The following CNTN6 variants were observed in gnomAD, a reference collection of about 807,000 sequenced individuals.
CNTN6 encodes the protein contactin 6.
A neutral mutation model predicts 122.8 loss-of-function variants in CNTN6; 137 were observed. The observed-to-expected ratio is 1.12, with a 90% confidence interval of 0.97 to 1.29. The LOEUF (loss-of-function observed/expected upper bound fraction) is 1.29, where lower values mean the gene tolerates loss of function less well. CNTN6 is among the 50% of genes most tolerant of loss of function. The pLI is 0.00. For synonymous variants in CNTN6, 570 were observed against 426.0 expected (o/e 1.34, Z -4.16); for missense variants, 1,634 against 1,223.4 (o/e 1.34, Z -5.01).
chr3:1,218,407 G>A (rs1459388898), intron 2 of CNTN6, among the ~76,000 whole-genome samples: 5 of 152,102 alleles, frequency 3.3e-5, no homozygotes, highest in East Asian at 3.9e-4. Flanking sequence ...GTCAGAGCCC[G>A]AGTGGGGTGA....
At chr3:1,189,462 G>A (rs901084133) in intron 2 of CNTN6, among the ~76,000 whole-genome samples, 1 of 152,130 alleles carries the variant, frequency 6.6e-6, no homozygotes, top group South Asian at 2.1e-4. Flanking sequence ...AGTTGATAAC[G>A]CAATTATATT....
At chr3:1,325,742 G>C in intron 8 of CNTN6, 73 bp from the exon 9 acceptor site, 1 of 1,526,580 alleles carries the variant, frequency 6.6e-7, no homozygotes, top group Non-Finnish European at 8.9e-7. Flanking sequence ...GATCTCTACA[G>C]CCCTTGTAAT....
intron 7 of CNTN6, among the ~76,000 whole-genome samples, chr3:1,312,638 T>G (rs550691932): frequency 6.6e-6 from 1 of 150,800 alleles, no homozygotes; most frequent in Non-Finnish European, 1.5e-5. Context: ...AAAGCATCTA[T>G]TGACTGGTTG....
In CNTN6 at chr3:1,227,875, T is replaced by A. The variant is rs2094304622; in HGVS notation, c.240T>A (p.Asp80Glu). ...DFTMSYHYRLDGGSLAINSPH... is the reference protein window; with the variant it reads ...DFTMSYHYRLEGGSLAINSPH... Reference sequence around the variant, plus strand: ...CTATGAGTTATCACTACAGGTTGGATGGAGGCAGTCTTGCAATCAATAGCC... The same window carrying A: ...CTATGAGTTATCACTACAGGTTGGAAGGAGGCAGTCTTGCAATCAATAGCC... Residue 80 changes from aspartate (D) to glutamate (E), a missense_variant, in exon 4 of 23, where the codon GAT becomes GAA. Asp to Glu is a conservative substitution (Grantham distance 45, BLOSUM62 2). Coordinates refer to ENST00000446702, the MANE Select transcript of CNTN6 (RefSeq NM_001289080.2). 7 of 1,614,106 alleles carry A rather than the reference T, an allele frequency of 4.3e-6. No individual in the cohort carries two copies. Among genetic ancestry groups the A allele is most frequent in the Non-Finnish European group, 5.9e-6 (7 of 1,180,008 alleles).
chr3:1,286,953 A>G lies in CNTN6; in HGVS notation c.454+8445A>G, dbSNP rs949250161. Reference sequence around the variant, plus strand: ...CTGATAAAACAGACTTTAAACCAACAAAGATCAAAAGAGACAAAGAAGGTC... The same window carrying G: ...CTGATAAAACAGACTTTAAACCAACGAAGATCAAAAGAGACAAAGAAGGTC... On this transcript the variant is annotated intron_variant, in intron 5 of 22. Coordinates refer to ENST00000446702, the MANE Select transcript of CNTN6 (RefSeq NM_001289080.2). Among the ~76,000 whole-genome samples the G allele has an allele frequency of 2.4e-4, 36 of 152,208 alleles. 1 individual carries two copies. Among genetic ancestry groups the G allele is most frequent in the Non-Finnish European group, 2.9e-5 (2 of 68,036 alleles).
At chr3:1,287,057 C>G (rs1053449936) in intron 5 of CNTN6, among the ~76,000 whole-genome samples, 1 of 152,000 alleles carries the variant, frequency 6.6e-6, no homozygotes, top group Admixed American at 6.6e-5. Context: ...ACAGGAGCAC[C>G]CAGATTCATA....
rs561116106 is a variant in CNTN6 at position 1,151,675 on chromosome 3, C to T, written c.55+3612C>T. On this transcript the variant is annotated intron_variant, in intron 2 of 22. Transcript: ENST00000446702. ...GACCTTCAACAATAGGTCCATAGTC[C>T]CTGCCCTCTTCAACCTGACAGTCTA... Among the ~76,000 whole-genome samples, 9 of 152,274 alleles carry T rather than the reference C, an allele frequency of 5.9e-5. No individual in the cohort carries two copies. The South Asian group carries it at 1.5e-3, about 25-fold the overall frequency.
chr3:1,342,197 T>TCGGCTCACTGCAAACTCCG (rs1489549955), intron 11 of CNTN6, among the ~76,000 whole-genome samples: 3 of 152,166 alleles, frequency 2.0e-5, no homozygotes, highest in Non-Finnish European at 4.4e-5. Flanking sequence ...TGGCACGATC[T>TCGGCTCACTGCAAACTCCG]CGGCTCACTG....
chr3:1,348,157 C>CAAAAAAAAAAAAAAAAA (rs532282828), intron 11 of CNTN6, among the ~76,000 whole-genome samples: 3,779 of 63,748 alleles, frequency 0.059, 525 homozygotes, highest in Non-Finnish European at 0.067. Flanking sequence ...ATGCTATAGA[C>CAAAAAAAAAAAAAAAAA]AAAAAAAAAA....
intron 4 of CNTN6, among the ~76,000 whole-genome samples, chr3:1,238,237 G>C (rs1053346345): frequency 6.6e-6 from 1 of 152,116 alleles, no homozygotes; most frequent in Non-Finnish European, 1.5e-5. Flanking sequence ...TAGTAAAGGG[G>C]TGGAAAAAGA....
intron 3 of CNTN6, 56 bp downstream of exon 3, chr3:1,220,869 C>G: frequency 6.6e-7 from 1 of 1,515,868 alleles, no homozygotes; most frequent in South Asian, 1.3e-5. Context: ...TGAACCAAAA[C>G]ATACACAAAA....
intron 2 of CNTN6, among the ~76,000 whole-genome samples, chr3:1,204,629 T>C (rs3772352): frequency 0.4 from 61,258 of 151,700 alleles, 12,733 homozygotes; most frequent in African/African-American, 0.51. Flanking sequence ...TTATTTCAGT[T>C]CCCAGTTTAT....
At chr3:1,273,282 T>A (rs2095055951) in intron 4 of CNTN6, among the ~76,000 whole-genome samples, 1 of 152,218 alleles carries the variant, frequency 6.6e-6, no homozygotes, top group Admixed American at 6.5e-5. Flanking sequence ...TTATAGAATT[T>A]GAGACCATCT....
intron 5 of CNTN6, among the ~76,000 whole-genome samples, chr3:1,278,867 T>A (rs1692885533): frequency 6.6e-6 from 1 of 152,210 alleles, no homozygotes; most frequent in Non-Finnish European, 1.5e-5. Flanking sequence ...TTTTCTCATC[T>A]ATAAAATAGA....
chr3:1,108,349 G>T (rs901974143), intron 1 of CNTN6, among the ~76,000 whole-genome samples: 1 of 152,056 alleles, frequency 6.6e-6, no homozygotes, highest in African/African-American at 2.4e-5. Context: ...AAATTCATTT[G>T]TATTTTATAT....
At chr3:1,202,421 T>TC (rs941575519) in intron 2 of CNTN6, among the ~76,000 whole-genome samples, 2 of 151,878 alleles carry the variant, frequency 1.3e-5, no homozygotes, top group African/African-American at 4.8e-5. Context: ...GCGCCTGTAG[T>TC]CCCAGCTACT....
intron 2 of CNTN6, among the ~76,000 whole-genome samples, chr3:1,158,440 G>C (rs2093026727): frequency 6.6e-6 from 1 of 152,094 alleles, no homozygotes; most frequent in Non-Finnish European, 1.5e-5. Context: ...TTAGTCCCTT[G>C]TCAGATGGGT....
chr3:1,175,588 G>T (rs1434259648), intron 2 of CNTN6, among the ~76,000 whole-genome samples: 1 of 152,160 alleles, frequency 6.6e-6, no homozygotes, highest in African/African-American at 2.4e-5. Flanking sequence ...CTACTATATT[G>T]TAAAACAATA....
chr3:1,224,786 G>A (rs2094257506), intron 3 of CNTN6, among the ~76,000 whole-genome samples: 1 of 152,060 alleles, frequency 6.6e-6, no homozygotes, highest in Non-Finnish European at 1.5e-5. Context: ...TGCTCTGTCA[G>A]CCAGGTTGGA....
Sources: allele counts gnomAD v4.1 joint callset (sites outside exome capture counted in the v4.1 genomes callset), GRCh38; gene constraint gnomAD v4.1.1; transcripts MANE v1.5; gene names NCBI Gene and HGNC (gene_info 2026-07-23, HGNC 2026-07-21).